PICALM: variants seen among roughly 807,000 people sequenced by gnomAD.
PICALM encodes phosphatidylinositol-binding clathrin assembly protein.
In PICALM, 40 loss-of-function variants were observed where a neutral mutation model predicts 80.5. The ratio of observed to expected loss-of-function variants is 0.50; its 90% CI spans 0.39 to 0.65. The LOEUF (loss-of-function observed/expected upper bound fraction) is 0.65. PICALM is among the 30% of genes least tolerant of loss of function. The pLI, the probability that PICALM is intolerant of heterozygous loss-of-function variation, is 0.00. For synonymous variants in PICALM, 288 were observed against 260.3 expected, an observed-to-expected ratio of 1.11 and a Z score of -1.02; for missense variants, 676 against 778.9, an observed-to-expected ratio of 0.87 and a Z score of 1.57.
At chr11:86,058,131 A>G (rs1272450069) in intron 1 of PICALM, among the ~76,000 whole-genome samples, 1 of 151,822 alleles carries the variant, frequency 6.6e-6, no homozygotes, top group Non-Finnish European at 1.5e-5. Context: ...ATATACTTAA[A>G]TTACATTAAA....
At chr11:86,031,414 T>C in intron 2 of PICALM, 55 bp downstream of exon 2, 1 of 1,407,952 alleles carries the variant, frequency 7.1e-7, no homozygotes, top group South Asian at 1.3e-5. Flanking sequence ...TGAGAGAAGC[T>C]AGCTAACAAT....
intron 11 of PICALM, 113 bp from the exon 12 acceptor site, chr11:85,997,042 CATT>C (rs1377455026): frequency 1.0e-5 from 6 of 586,010 alleles, no homozygotes; most frequent in East Asian, 9.2e-5. Context: ...AGAAAAGTCT[CATT>C]AATATAAATC....
chr11:86,019,681 T>C (rs189584381), intron 4 of PICALM, among the ~76,000 whole-genome samples: 15 of 152,314 alleles, frequency 9.8e-5, no homozygotes, highest in Non-Finnish European at 2.2e-4. Flanking sequence ...AAACAAAATC[T>C]GTAGAATTTA....
intron 1 of PICALM, among the ~76,000 whole-genome samples, chr11:86,052,649 T>C (rs912129176): frequency 2.6e-5 from 4 of 152,232 alleles, no homozygotes; most frequent in Non-Finnish European, 4.4e-5. Context: ...GCAAAACTCC[T>C]TGCCTTTCCT....
chr11:85,980,548 C>T (rs2094411746), intron 17 of PICALM, among the ~76,000 whole-genome samples: 1 of 152,104 alleles, frequency 6.6e-6, no homozygotes, highest in Non-Finnish European at 1.5e-5. Context: ...TGAGTATCAA[C>T]TGTGTAAGTT....
intron 11 of PICALM, among the ~76,000 whole-genome samples, chr11:85,998,115 T>TA (rs1223699469): frequency 1.3e-5 from 2 of 148,426 alleles, no homozygotes. Context: ...GACTTCTATG[T>TA]AATTTTTTTT....
At chr11:85,970,428 CATT>C (rs2094064519) in intron 19 of PICALM, among the ~76,000 whole-genome samples, 1 of 152,162 alleles carries the variant, frequency 6.6e-6, no homozygotes, top group Non-Finnish European at 1.5e-5. Flanking sequence ...TCCGTTAACT[CATT>C]ATTACTCTTA....
intron 7 of PICALM, among the ~76,000 whole-genome samples, chr11:86,010,476 G>A (rs185131519): frequency 1.3e-5 from 2 of 152,124 alleles, no homozygotes; most frequent in East Asian, 1.9e-4. Flanking sequence ...ACAAGTGCCC[G>A]CCTCCATGAC....
chr11:86,035,962 A>AG (rs201811104), intron 1 of PICALM, among the ~76,000 whole-genome samples: 3,521 of 150,410 alleles, frequency 0.023, 157 homozygotes, highest in African/African-American at 0.082. Context: ...AAAAAAAAAA[A>AG]AAAGAAAAAA....
intron 12 of PICALM, among the ~76,000 whole-genome samples, chr11:85,992,497 G>A (rs894122783): frequency 1.3e-5 from 2 of 151,898 alleles, no homozygotes; most frequent in African/African-American, 4.8e-5. Context: ...TGTTGGCTAG[G>A]CTGGCCTCGA....
chr11:86,031,130 C>T (rs570229869), intron 2 of PICALM, among the ~76,000 whole-genome samples: 6 of 151,548 alleles, frequency 4.0e-5, no homozygotes, highest in African/African-American at 1.5e-4. Context: ...AACAAACAAA[C>T]AAAAAATCTA....
chr11:86,014,798 TGA>T lies in PICALM; in HGVS notation c.546+70_546+71del, dbSNP rs1360871888. 11 of 800,272 alleles carry T rather than the reference TGA, an allele frequency of 1.4e-5. No individual in the cohort carries two copies. In the Admixed American group the frequency reaches 2.8e-4, roughly 20 times the overall value. The allele number at this position is 800,272 out of a possible 1,614,324, so 49.6% of individuals were successfully genotyped here. ...TGAAAAACTAGAGTCTGTGAAAACT[TGA>T]GGTTAAAAATTCTCATGAATTATAA... On this transcript the variant is annotated intron_variant, in intron 5 of 19. Coordinates refer to ENST00000393346, the MANE Select transcript of PICALM (RefSeq NM_007166.4).
intron 1 of PICALM, among the ~76,000 whole-genome samples, chr11:86,032,861 A>G (rs1261091646): frequency 6.6e-6 from 1 of 152,240 alleles, no homozygotes. Context: ...GCAAGAAATG[A>G]CAATGTAACT....
chr11:86,067,867 G>C (rs540289651), intron 1 of PICALM, among the ~76,000 whole-genome samples: 1 of 152,206 alleles, frequency 6.6e-6, no homozygotes, highest in African/African-American at 2.4e-5. Flanking sequence ...CCAGTCAAAA[G>C]TATGGACAAC....
In PICALM at chr11:86,014,262, CTA is replaced by C. The variant is rs371082922; in HGVS notation, c.546+606_546+607del. 3.0e-3 allele frequency among the ~76,000 whole-genome samples: 454 copies of C among 152,260 alleles called. 3 individuals are homozygous for C. The highest frequency in any genetic ancestry group is 0.01 in the African/African-American group (436 of 41,576). On this transcript the variant is annotated intron_variant, in intron 5 of 19. Transcript: ENST00000393346. ...ATTCACTAACTTGCACTCACAATCTCTAAAACAAAATGACAAATAAATAATAA... is the reference window on the plus strand; with the variant it reads ...ATTCACTAACTTGCACTCACAATCTCAAACAAAATGACAAATAAATAATAA...
Position 85,981,332 on chromosome 11 carries a change from G to A in PICALM, c.1680-104C>T, listed in dbSNP as rs555254979. The A allele has an allele frequency of 5.6e-5, 39 of 695,236 alleles. 1 individual carries two copies. Among genetic ancestry groups the A allele is most frequent in the African/African-American group, 2.7e-4 (15 of 55,638 alleles). The allele number at this position is 695,236 out of a possible 1,614,324, so 43.1% of individuals were successfully genotyped here. On this transcript the variant is annotated intron_variant, in intron 16 of 19. Transcript: ENST00000393346. ...GTAAGATAGAGACTTGAGGCTGGGC[G>A]TGGTGGCTCATGCCTGTAATCCCAG...
chr11:85,983,763 C>T (rs761846684), intron 14 of PICALM, 103 bp downstream of exon 14: 134 of 523,026 alleles, frequency 2.6e-4, no homozygotes, highest in Non-Finnish European at 3.9e-4. Flanking sequence ...TTTGGCTACC[C>T]CAGTTTAATA....
At chr11:85,968,807 A>T (rs1047414881) in intron 19 of PICALM, among the ~76,000 whole-genome samples, 1 of 152,232 alleles carries the variant, frequency 6.6e-6, no homozygotes. Context: ...TTTATCATGA[A>T]GTTAAACATC....
At chr11:86,006,940 C>T (rs550796897) in intron 8 of PICALM, among the ~76,000 whole-genome samples, 9 of 151,920 alleles carry the variant, frequency 5.9e-5, no homozygotes, top group African/African-American at 1.9e-4. Flanking sequence ...CTTATTTAAT[C>T]CTGTGAACTA....
Sources: allele counts gnomAD v4.1 joint callset (sites outside exome capture counted in the v4.1 genomes callset), GRCh38; gene constraint gnomAD v4.1.1; transcripts MANE v1.5; gene names NCBI Gene and HGNC (gene_info 2026-07-23, HGNC 2026-07-21).